The following GLIPR2 variants were observed in gnomAD, a reference collection of about 807,000 sequenced individuals.
GLIPR2 encodes the protein Golgi-associated plant pathogenesis-related protein 1.
Under a neutral mutation model 20.4 loss-of-function variants are expected in GLIPR2, and 21 were observed. The ratio of observed to expected loss-of-function variants is 1.03; its 90% CI spans 0.73 to 1.48. The LOEUF is 1.48. Among genes scored for constraint, GLIPR2 ranks in the 40% most tolerant of loss-of-function variants. The probability of loss-of-function intolerance (pLI) is 0.00; values close to 1 mark genes in which losing one functional copy is unlikely to be tolerated. For missense variants in GLIPR2, 205 were observed against 200.1 expected, an observed-to-expected ratio of 1.02 and a Z score of -0.15; for synonymous variants, 91 against 80.5, an observed-to-expected ratio of 1.13 and a Z score of -0.70.
At chr9:36,149,796 G>A (rs1420906597) in intron 3 of GLIPR2, among the ~76,000 whole-genome samples, 1 of 152,212 alleles carries the variant, frequency 6.6e-6, no homozygotes, top group Non-Finnish European at 1.5e-5. Context: ...GGGAGGCCGA[G>A]GTGGGTGGAT....
intron 1 of GLIPR2, among the ~76,000 whole-genome samples, chr9:36,142,150 T>C (rs1294007123): frequency 6.6e-6 from 1 of 152,138 alleles, no homozygotes; most frequent in Admixed American, 6.5e-5. Context: ...GTTCTTCTCT[T>C]CTCTTCCTTC....
chr9:36,136,724 C>G (rs1198222605), upstream of GLIPR2: 2 of 1,182,816 alleles, frequency 1.7e-6, no homozygotes, highest in Admixed American at 4.3e-5. This position sits in a 1 kb window ranked among gnomAD's most constrained non-coding sequence, Gnocchi z 4.3. Flanking sequence ...GGCGCTGGGC[C>G]GGGCGAGCGC....
At chr9:36,162,228 G>C in intron 4 of GLIPR2, 134 bp from the exon 5 acceptor site, 1 of 1,579,438 alleles carries the variant, frequency 6.3e-7, no homozygotes, top group Non-Finnish European at 8.6e-7. Flanking sequence ...TCCTTCCCCT[G>C]CAGGGGGTCT....
intron 4 of GLIPR2, among the ~76,000 whole-genome samples, chr9:36,151,719 C>T (rs900384349): frequency 6.6e-5 from 10 of 152,044 alleles, no homozygotes; most frequent in Admixed American, 6.6e-5. Flanking sequence ...ACGAAAGCTC[C>T]GGGTGGCCAC....
chr9:36,162,733 TG>T lies in GLIPR2; in HGVS notation c.*213del. 1 of 581,024 alleles carries T rather than the reference TG, an allele frequency of 1.7e-6. No homozygotes were observed. Among genetic ancestry groups the T allele is most frequent in the Non-Finnish European group, 3.0e-6 (1 of 328,752 alleles). 36.0% of individuals were successfully genotyped at this position (581,024 alleles called of 1,614,324 possible). On this transcript the variant is annotated 3_prime_UTR_variant, in exon 5 of 5. Coordinates refer to ENST00000377960, the MANE Select transcript of GLIPR2 (RefSeq NM_022343.4). ...TGAGCAAAGGAAGCATTTACCCCGA[TG>T]GTTACCTAGACCACGATTATTTGGA...
At chr9:36,146,852 C>T (rs907707193) in intron 1 of GLIPR2, among the ~76,000 whole-genome samples, 2 of 152,180 alleles carry the variant, frequency 1.3e-5, no homozygotes, top group African/African-American at 2.4e-5. Context: ...GTGGAAGCCT[C>T]GTGCTTGCAG....
chr9:36,145,263 G>A (rs936393004), intron 1 of GLIPR2, among the ~76,000 whole-genome samples: 1 of 152,208 alleles, frequency 6.6e-6, no homozygotes, highest in African/African-American at 2.4e-5. Context: ...CTTCATCATA[G>A]CCTGGCTGGC....
chr9:36,147,481 A>C (rs773486544), intron 1 of GLIPR2, among the ~76,000 whole-genome samples: 4 of 152,262 alleles, frequency 2.6e-5, no homozygotes, highest in Non-Finnish European at 5.9e-5. Context: ...CATGGAGCTC[A>C]CTGCCCTGCT....
At chr9:36,149,485 G>T (rs111936958) in intron 3 of GLIPR2, among the ~76,000 whole-genome samples, 1 of 152,196 alleles carries the variant, frequency 6.6e-6, no homozygotes, top group Non-Finnish European at 1.5e-5. Flanking sequence ...TCCCTCCAAG[G>T]CCTTGCCCTC....
At chr9:36,158,444 A>G (rs533671426) in intron 4 of GLIPR2, among the ~76,000 whole-genome samples, 28 of 152,032 alleles carry the variant, frequency 1.8e-4, no homozygotes, top group African/African-American at 5.5e-4. Flanking sequence ...TAACCACCCT[A>G]TGGGAATCTT....
chr9:36,146,410 A>T (rs1825327383), intron 1 of GLIPR2, among the ~76,000 whole-genome samples: 1 of 152,204 alleles, frequency 6.6e-6, no homozygotes, highest in Non-Finnish European at 1.5e-5. Flanking sequence ...CCCAAAACTC[A>T]TGTCTTCCCC....
chr9:36,154,356 G>C (rs3938520), intron 4 of GLIPR2, among the ~76,000 whole-genome samples: 1 of 152,068 alleles, frequency 6.6e-6, no homozygotes, highest in African/African-American at 2.4e-5. Flanking sequence ...CATTCCGGAG[G>C]TGTCCTGTGC....
intron 1 of GLIPR2, among the ~76,000 whole-genome samples, chr9:36,137,506 T>C (rs1450689173): frequency 4.6e-5 from 7 of 152,132 alleles, no homozygotes; most frequent in African/African-American, 1.2e-4. Flanking sequence ...TGCCGGGCCT[T>C]CACCACCCCA....
rs768256904 is a variant in GLIPR2 at position 36,162,346 on chromosome 9, G to T, written c.305-16G>T. 2 of 1,605,458 alleles carry T rather than the reference G, an allele frequency of 1.2e-6. No individual in the cohort carries two copies. Among genetic ancestry groups the T allele is most frequent in the Non-Finnish European group, 1.7e-6 (2 of 1,174,772 alleles). ...AATTCAGCCGTGTCCCTCTCCCTCTGCCCGTTCCCCTACAGGACACTTCAC... is the reference window on the plus strand; with the variant it reads ...AATTCAGCCGTGTCCCTCTCCCTCTTCCCGTTCCCCTACAGGACACTTCAC... On this transcript the variant is annotated splice_polypyrimidine_tract_variant and intron_variant, in intron 4 of 4. Coordinates refer to ENST00000377960, the MANE Select transcript of GLIPR2 (RefSeq NM_022343.4).
intron 3 of GLIPR2, among the ~76,000 whole-genome samples, chr9:36,149,117 T>G (rs1435600955): frequency 6.6e-6 from 1 of 152,214 alleles, no homozygotes; most frequent in Middle Eastern, 3.2e-3. Flanking sequence ...AATAGAGCTT[T>G]TTCCATTTTG....
Position 36,162,452 on chromosome 9 carries a change from G to A in GLIPR2, c.395G>A (p.Arg132Lys). Reference protein sequence around the residue: ...ASDGSSFVVARYFPAGNVVNE... With the variant: ...ASDGSSFVVAKYFPAGNVVNE... ...GACGGGTCCTCCTTTGTGGTGGCCA[G>A]ATACTTCCCAGCGGGGAATGTTGTC... Residue 132 changes from arginine (R) to lysine (K), a missense_variant, in exon 5 of 5, where the codon AGA becomes AAA. Transcript: ENST00000377960. 6.2e-7 allele frequency: 1 copy of A among 1,614,200 alleles called. No individual in the cohort carries two copies. Among genetic ancestry groups the A allele is most frequent in the Non-Finnish European group, 8.5e-7 (1 of 1,180,034 alleles).
chr9:36,155,363 G>A (rs1825784155), intron 4 of GLIPR2, among the ~76,000 whole-genome samples: 1 of 152,238 alleles, frequency 6.6e-6, no homozygotes, highest in Admixed American at 6.5e-5. Flanking sequence ...GGGAGGCCAA[G>A]GCGGGTGGAT....
At chr9:36,138,560 G>A (rs924964311) in intron 1 of GLIPR2, among the ~76,000 whole-genome samples, 3 of 152,110 alleles carry the variant, frequency 2.0e-5, no homozygotes, top group Non-Finnish European at 4.4e-5. Context: ...GTAAGGCACG[G>A]TTTTCCAGAA....
At chr9:36,160,197 A>G (rs578260914) in intron 4 of GLIPR2, among the ~76,000 whole-genome samples, 1 of 152,098 alleles carries the variant, frequency 6.6e-6, no homozygotes, top group South Asian at 2.1e-4. Flanking sequence ...CTAATTTTGT[A>G]TTTTTAGTAG....
Sources: allele counts gnomAD v4.1 joint callset (sites outside exome capture counted in the v4.1 genomes callset), GRCh38; gene constraint gnomAD v4.1.1; non-coding constraint Gnocchi (gnomAD v3.1); transcripts MANE v1.5; gene names NCBI Gene and HGNC (gene_info 2026-07-23, HGNC 2026-07-21).